Variants in GALNS observed in about 807,000 individuals in gnomAD.
The protein encoded by GALNS is N-acetylgalactosamine-6-sulfatase.
GALNS carries 65 observed loss-of-function variants against 65.9 expected under a neutral mutation model. That is an observed-to-expected ratio of 0.99 (90% CI 0.81 to 1.21). The LOEUF is 1.21. Among genes scored for constraint, GALNS ranks in the 50% most tolerant of loss-of-function variants. GALNS has a pLI of 0.00. For missense variants in GALNS, 776 were observed against 700.7 expected, an observed-to-expected ratio of 1.11 and a Z score of -1.21; for synonymous variants, 346 against 288.9, an observed-to-expected ratio of 1.20 and a Z score of -2.00.
At chr16:88,816,546 G>A in intron 13 of GALNS, 1 of 973,028 alleles carries the variant, frequency 1.0e-6, no homozygotes, top group Non-Finnish European at 1.2e-6. Context: ...TAACGGAGGT[G>A]GCCCTGCCCT....
intron 9 of GALNS, among the ~76,000 whole-genome samples, chr16:88,829,714 G>A (rs1219128789): frequency 6.6e-6 from 1 of 152,254 alleles, no homozygotes; most frequent in Non-Finnish European, 1.5e-5. Context: ...GGGGGACCCT[G>A]ACAGACGACT....
chr16:88,856,031 T>C, intron 1 of GALNS: 7 of 618,890 alleles, frequency 1.1e-5, no homozygotes, highest in Non-Finnish European at 2.0e-5. Context: ...CCCAGGTGTG[T>C]CTGGGGTCCT....
intron 1 of GALNS, chr16:88,843,260 A>C: frequency 1.6e-6 from 2 of 1,250,148 alleles, no homozygotes; most frequent in Non-Finnish European, 2.1e-6. Context: ...TTTCAAAGTC[A>C]ACTGGTAACT....
chr16:88,821,172 TCCAGAGG>T (rs56039796), intron 12 of GALNS, among the ~76,000 whole-genome samples: 54,572 of 151,670 alleles, frequency 0.36, 10,030 homozygotes, highest in East Asian at 0.6. Context: ...CCCTCACTTT[TCCAGAGG>T]CCAGAGGCTG....
chr16:88,817,040 G>A (rs1909703060), intron 13 of GALNS: 2 of 985,456 alleles, frequency 2.0e-6, no homozygotes, highest in East Asian at 1.1e-4. Context: ...GCCGACTAGA[G>A]CGAGGGCCGC....
chr16:88,819,882 C>T (rs113829439), intron 12 of GALNS, among the ~76,000 whole-genome samples: 2,447 of 152,128 alleles, frequency 0.016, 66 homozygotes, highest in African/African-American at 0.055. Context: ...TTAGTAGAGA[C>T]GGGGTTTCAC....
intron 1 of GALNS, 60 bp from the exon 2 acceptor site, chr16:88,842,889 G>T (rs1167100833): frequency 6.3e-7 from 1 of 1,599,510 alleles, no homozygotes; most frequent in Non-Finnish European, 8.5e-7. Context: ...TCTGGCCTGG[G>T]GAGCTGCCCA....
rs55789563 is a variant in GALNS at position 88,823,019 on chromosome 16, T to C, written c.1243-309A>G. On this transcript the variant is annotated intron_variant, in intron 11 of 13. Coordinates refer to ENST00000268695, the MANE Select transcript of GALNS (RefSeq NM_000512.5). ...CGTAGCTGGCATGCCTCACGTACCC[T>C]GTTTTCATGTACCCCTCTTCTTTGC... Among the ~76,000 whole-genome samples, 18,411 of 152,218 alleles carry C rather than the reference T, an allele frequency of 0.12. 1,850 individuals carry two copies. Among genetic ancestry groups the C allele is most frequent in the African/African-American group, 0.28 (11,412 of 41,498 alleles).
chr16:88,829,201 TCA>T (rs916499372), intron 9 of GALNS, among the ~76,000 whole-genome samples: 1 of 152,016 alleles, frequency 6.6e-6, no homozygotes, highest in Non-Finnish European at 1.5e-5. Context: ...CATGCCAACG[TCA>T]CAGTGTTCAC....
intron 11 of GALNS, 55 bp from the exon 12 acceptor site, chr16:88,822,765 G>T: frequency 6.3e-7 from 1 of 1,597,344 alleles, no homozygotes; most frequent in Non-Finnish European, 8.5e-7. Flanking sequence ...CGGCCGTGAG[G>T]GGCCTCGTCT....
At chr16:88,830,607 G>A (rs778372198) in intron 9 of GALNS, among the ~76,000 whole-genome samples, 2 of 152,204 alleles carry the variant, frequency 1.3e-5, no homozygotes, top group Admixed American at 6.5e-5. Context: ...ACTCAGCCCC[G>A]CGTGTTGATG....
In GALNS at chr16:88,816,939, G is replaced by A. The variant is rs73251079; in HGVS notation, c.1482+1068C>T. On this transcript the variant is annotated intron_variant, in intron 13 of 13. Coordinates refer to ENST00000268695, the MANE Select transcript of GALNS (RefSeq NM_000512.5). ...TAAACAGGTGAGCGACGGCCCAGGG[G>A]CCTCGAGGCTGGGCTCGGCCATCTC... 2.2e-3 allele frequency: 2,159 copies of A among 985,472 alleles called. 42 individuals are homozygous for A. In the African/African-American group the frequency reaches 0.035, roughly 16 times the overall value. The allele number at this position is 985,472 out of a possible 1,614,324, so 61.0% of individuals were successfully genotyped here. A position where few individuals can be genotyped will look rare whatever the true frequency, so the allele number is the denominator to read the frequency against.
chr16:88,856,295 G>GT, intron 1 of GALNS: 1 of 702,882 alleles, frequency 1.4e-6, no homozygotes, highest in Non-Finnish European at 2.6e-6. Flanking sequence ...GGTGGCGGGA[G>GT]TGATTCCTAG....
At chr16:88,834,459 GC>G (rs752950429) in intron 8 of GALNS, among the ~76,000 whole-genome samples, 4 of 44,288 alleles carry the variant, frequency 9.0e-5, no homozygotes, top group Non-Finnish European at 1.3e-4. Flanking sequence ...AGGCTGTAGG[GC>G]CCCCCCCGTG....
chr16:88,855,942 C>A (rs546725119), intron 1 of GALNS: 1 of 569,830 alleles, frequency 1.8e-6, no homozygotes, highest in African/African-American at 1.9e-5. Context: ...CACGGCGGGA[C>A]AGGTGTAACC....
rs779864031 is a variant in GALNS, at chr16:88,831,991, GACTC to G, written c.1002+3_1002+6del. The G allele has an allele frequency of 6.2e-7, 1 of 1,611,854 alleles. No individual in the cohort carries two copies. The highest frequency in any genetic ancestry group is 8.5e-7 in the Non-Finnish European group (1 of 1,178,740). ...GCTGCCCGGCAGACCGGTGGACGCT[GACTC>G]ACCTGGCCTGCAGTGACGTGCCCTG... On this transcript the variant is annotated splice_donor_5th_base_variant and intron_variant, in intron 9 of 13. Transcript: ENST00000268695.
At chr16:88,834,430 CTCA>C (rs56174301) in intron 8 of GALNS, among the ~76,000 whole-genome samples, 9,633 of 70,652 alleles carry the variant, frequency 0.14, 738 homozygotes, top group East Asian at 0.36. Context: ...CAGGGCCCCC[CTCA>C]GCGTGGTCTG....
chr16:88,843,780 TTA>T (rs10564743), intron 1 of GALNS: 63,463 of 155,630 alleles, frequency 0.41, 14,460 homozygotes, highest in East Asian at 0.65. Flanking sequence ...TGGTAACGTG[TTA>T]TGTCTCAGGA....
At position 88,822,957 on chromosome 16, in the gene GALNS, TGGA is replaced by T. The variant is rs1054835249; in HGVS notation, c.1243-250_1243-248del. On this transcript the variant is annotated intron_variant, in intron 11 of 13. Transcript: ENST00000268695. Reference sequence around the variant, plus strand: ...GACTAGCGGGCCCATAAGCATCCTGTGGAGGAGGTGAAGCCACCCGCTCTGGGC... The same window carrying T: ...GACTAGCGGGCCCATAAGCATCCTGTGGAGGTGAAGCCACCCGCTCTGGGC... Among the ~76,000 whole-genome samples the T allele has an allele frequency of 6.6e-5, 10 of 152,306 alleles. 1 individual carries two copies. The highest frequency in any genetic ancestry group is 2.4e-4 in the African/African-American group (10 of 41,568).
Sources: allele counts gnomAD v4.1 joint callset (sites outside exome capture counted in the v4.1 genomes callset), GRCh38; gene constraint gnomAD v4.1.1; transcripts MANE v1.5; gene names NCBI Gene and HGNC (gene_info 2026-07-23, HGNC 2026-07-21).